Variants in COPS4 observed in about 807,000 individuals in gnomAD.
COPS4 encodes the protein COP9 signalosome subunit 4.
COPS4 carries 8 observed loss-of-function variants against 55.1 expected under a neutral mutation model. The observed-to-expected ratio is 0.15, with a 90% CI of 0.09 to 0.26. The LOEUF (loss-of-function observed/expected upper bound fraction) is 0.26, where lower values mean the gene tolerates loss of function less well. COPS4 is among the 10% of genes least tolerant of loss of function. The pLI is 1.00. For synonymous variants in COPS4, 185 were observed against 165.7 expected, an observed-to-expected ratio of 1.12 and a Z score of -0.90; for missense variants, 248 against 484.0, an observed-to-expected ratio of 0.51 and a Z score of 4.58.
chr4:83,062,575 CTGTT>C (rs5859855), intron 6 of COPS4, among the ~76,000 whole-genome samples: 151,551 of 152,276 alleles, frequency 1, 75,415 homozygotes, highest in Middle Eastern at 1. Flanking sequence ...TTTTCATGGT[CTGTT>C]TAAGATCATG....
Position 83,049,440 on chromosome 4 carries a change from A to C in COPS4, c.306+123A>C, listed in dbSNP as rs78711161. On this transcript the variant is annotated intron_variant, in intron 3 of 9. Transcript: ENST00000264389. ...TCATTTTTGACAAAACAGTGTGCCAAACGACATTTTATGATGCAAAATCAA... is the reference window on the plus strand; with the variant it reads ...TCATTTTTGACAAAACAGTGTGCCACACGACATTTTATGATGCAAAATCAA... The C allele has an allele frequency of 1.6e-4, 130 of 819,380 alleles. 1 individual carries two copies. The East Asian group carries it at 2.3e-3, about 15-fold the overall frequency. 50.8% of individuals were successfully genotyped at this position (819,380 alleles called of 1,614,324 possible).
chr4:83,060,733 C>T (rs986784148), intron 6 of COPS4, among the ~76,000 whole-genome samples: 2 of 151,156 alleles, frequency 1.3e-5, no homozygotes, highest in Non-Finnish European at 3.0e-5. Flanking sequence ...AGTTAGCAGC[C>T]ATTAAGAATC....
chr4:83,048,745 G>A (rs577164487), intron 2 of COPS4, among the ~76,000 whole-genome samples: 12 of 152,162 alleles, frequency 7.9e-5, no homozygotes, highest in South Asian at 4.1e-4. Flanking sequence ...AGGTTCAAGC[G>A]ATTCTCTTGC....
intron 4 of COPS4, among the ~76,000 whole-genome samples, chr4:83,055,955 G>C: frequency 7.8e-6 from 1 of 127,780 alleles, no homozygotes; most frequent in African/African-American, 3.0e-5. Flanking sequence ...TTGAGACGAA[G>C]TCTCACTCTG....
Position 83,036,249 on chromosome 4 carries a change from C to CCCGTCTCCGTAA in COPS4, c.74+951_74+952insCCGTCTCCGTAA, listed in dbSNP as rs1730414490. ...AGGAGTTCTAGACCAGCCTGGGCAA[C>CCCGTCTCCGTAA]ATAGTGAGACCCCCCCCCCCGCCGC... On this transcript the variant is annotated intron_variant, in intron 1 of 9. Transcript: ENST00000264389. Among the ~76,000 whole-genome samples, 3 of 78,290 alleles carry CCCGTCTCCGTAA rather than the reference C, an allele frequency of 3.8e-5. No individual in the cohort carries two copies. In the Admixed American group the frequency reaches 4.6e-4, roughly 12 times the overall value. 51.4% of individuals were successfully genotyped at this position (78,290 alleles called of 152,430 possible). A position where few individuals can be genotyped will look rare whatever the true frequency, so the allele number is the denominator to read the frequency against.
At chr4:83,065,214 T>G (rs1731265764) in intron 7 of COPS4, 1 of 448,468 alleles carries the variant, frequency 2.2e-6, no homozygotes, top group Non-Finnish European at 3.9e-6. Context: ...ATTTATAAAA[T>G]TACTGGATTG....
intron 4 of COPS4, among the ~76,000 whole-genome samples, chr4:83,053,812 C>G (rs1238171130): frequency 8.2e-6 from 1 of 122,696 alleles, no homozygotes; most frequent in African/African-American, 3.3e-5. Context: ...TGCACTCCAG[C>G]CTGGGTGACA....
chr4:83,066,465 T>C lies in COPS4; in HGVS notation c.914T>C (p.Ile305Thr). Residue 305 changes from isoleucine (I) to threonine (T), a missense_variant, in exon 8 of 10, where the codon ATT becomes ACT. Ile to Thr is a moderately conservative substitution (Grantham distance 89). Transcript: ENST00000264389. ...DGSSILDRAV[I>T]EHNLLSASKL... ...TCCAGCATCTTGGACAGAGCTGTTA[T>C]TGAACACAATTTGTTGTCTGCAAGC... 2 of 1,593,114 alleles carry C rather than the reference T, an allele frequency of 1.3e-6. No individual in the cohort carries two copies. Among genetic ancestry groups the C allele is most frequent in the Non-Finnish European group, 1.7e-6 (2 of 1,168,622 alleles).
chr4:83,066,665 A>G (rs1181617166), intron 8 of COPS4, 112 bp downstream of exon 8: 4 of 596,210 alleles, frequency 6.7e-6, no homozygotes, highest in African/African-American at 3.9e-5. Context: ...CCAACAAAAT[A>G]AATGTTGGAA....
At chr4:83,040,014 A>T (rs1046343949) in intron 1 of COPS4, among the ~76,000 whole-genome samples, 1 of 152,186 alleles carries the variant, frequency 6.6e-6, no homozygotes, top group South Asian at 2.1e-4. Context: ...AGGCCCACTG[A>T]CTATAACCTC....
chr4:83,074,251 C>CT (rs1000162087), intron 9 of COPS4, among the ~76,000 whole-genome samples: 1 of 151,940 alleles, frequency 6.6e-6, no homozygotes, highest in Non-Finnish European at 1.5e-5. Context: ...CAGCCTCAGT[C>CT]TTTTTTTGTT....
chr4:83,035,387 G>C, intron 1 of COPS4, 89 bp downstream of exon 1: 1 of 1,124,702 alleles, frequency 8.9e-7, no homozygotes. Context: ...GCTCTTGGGC[G>C]TGAAGCTAGG....
intron 1 of COPS4, among the ~76,000 whole-genome samples, chr4:83,036,905 T>A (rs1578699582): frequency 6.6e-6 from 1 of 152,326 alleles, no homozygotes; most frequent in African/African-American, 2.4e-5. Context: ...TTCTGAAACT[T>A]AAGTATTTAC....
rs1443042117 is a variant in COPS4 at position 83,075,293 on chromosome 4, T to G, written c.1088-4T>G. ...TTAATTTTGTACATTTTTTTTCCCC[T>G]TAGCACGAGAAGCCCTGCCAACGTG... On this transcript the variant is annotated splice_region_variant and splice_polypyrimidine_tract_variant and intron_variant, in intron 9 of 9. Coordinates refer to ENST00000264389, the MANE Select transcript of COPS4 (RefSeq NM_016129.3). 4 of 1,613,258 alleles carry G rather than the reference T, an allele frequency of 2.5e-6. No individual in the cohort carries two copies. In the African/African-American group the frequency reaches 4.0e-5, roughly 16 times the overall value.
At chr4:83,055,704 G>A (rs542436976) in intron 4 of COPS4, among the ~76,000 whole-genome samples, 1 of 152,192 alleles carries the variant, frequency 6.6e-6, no homozygotes, top group East Asian at 1.9e-4. Context: ...GGCTCCCAAA[G>A]TGCTGGGATT....
At chr4:83,042,825 G>A (rs548241450) in intron 1 of COPS4, among the ~76,000 whole-genome samples, 2 of 151,912 alleles carry the variant, frequency 1.3e-5, no homozygotes, top group East Asian at 1.9e-4. Flanking sequence ...GACTGGTCTC[G>A]AACTCCTGAG....
chr4:83,041,748 T>G (rs965007427), intron 1 of COPS4, among the ~76,000 whole-genome samples: 2 of 152,124 alleles, frequency 1.3e-5, no homozygotes, highest in Admixed American at 6.6e-5. Flanking sequence ...ATTGCAGGTG[T>G]GAGCCACTTC....
At chr4:83,047,943 G>A (rs576430348) in intron 2 of COPS4, among the ~76,000 whole-genome samples, 41 of 151,780 alleles carry the variant, frequency 2.7e-4, no homozygotes, top group African/African-American at 9.4e-4. Flanking sequence ...GGAGCTTGCA[G>A]TGAGCCAAGA....
In COPS4 at chr4:83,039,708, T is replaced by G. The variant is rs190193514; in HGVS notation, c.74+4410T>G. 5.9e-3 allele frequency among the ~76,000 whole-genome samples: 898 copies of G among 152,316 alleles called. 5 individuals are homozygous for G. Among genetic ancestry groups the G allele is most frequent in the Non-Finnish European group, 0.011 (723 of 68,028 alleles). On this transcript the variant is annotated intron_variant, in intron 1 of 9. Transcript: ENST00000264389. ...GTGCAGTAGAGAGATCATGGCTTACTACAGCCTTAACATGCTTGGCTCAAG... is the reference window on the plus strand; with the variant it reads ...GTGCAGTAGAGAGATCATGGCTTACGACAGCCTTAACATGCTTGGCTCAAG...
Sources: gnomAD v4.1 joint callset for allele counts (sites outside exome capture counted in the v4.1 genomes callset) on GRCh38, gnomAD v4.1.1 for gene constraint, MANE v1.5 for transcripts, NCBI Gene and HGNC (gene_info 2026-07-23, HGNC 2026-07-21) for gene names.